Variants in CSMD3 observed in about 807,000 individuals in gnomAD.
The protein encoded by CSMD3 is CUB and sushi domain-containing protein 3.
In CSMD3, 177 loss-of-function variants were observed where a neutral mutation model predicts 435.2. The ratio of observed to expected loss-of-function variants is 0.41; its 90% CI spans 0.36 to 0.46. The LOEUF (loss-of-function observed/expected upper bound fraction) is 0.46, where lower values mean the gene tolerates loss of function less well. Among genes scored for constraint, CSMD3 ranks in the 20% least tolerant of loss-of-function variants. The pLI is 0.34. For synonymous variants in CSMD3, 1,656 were observed against 1,520.5 expected, an observed-to-expected ratio of 1.09 and a Z score of -2.07; for missense variants, 4,265 against 4,504.6, an observed-to-expected ratio of 0.95 and a Z score of 1.52.
At chr8:113,113,167 C>A (rs1317640154) in intron 4 of CSMD3, among the ~76,000 whole-genome samples, 1 of 152,184 alleles carries the variant, frequency 6.6e-6, no homozygotes, top group Non-Finnish European at 1.5e-5. Context: ...TTGAAGTCTG[C>A]AAGTTTCCTA....
chr8:112,314,635 C>A lies in CSMD3; in HGVS notation c.7361-18G>T. Reference sequence around the variant, plus strand: ...ACAGAGCACTGTCAAAGAAAAATGTCATTAAATAATGCCAGTCTTTTAGAG... The same window carrying A: ...ACAGAGCACTGTCAAAGAAAAATGTAATTAAATAATGCCAGTCTTTTAGAG... On this transcript the variant is annotated intron_variant, in intron 47 of 70. Coordinates refer to ENST00000297405, the MANE Select transcript of CSMD3 (RefSeq NM_198123.2). 1 of 1,583,998 alleles carries A rather than the reference C, an allele frequency of 6.3e-7. No homozygotes were observed. The highest frequency in any genetic ancestry group is 1.1e-5 in the South Asian group (1 of 90,332).
chr8:112,725,140 T>G (rs2076936644), intron 13 of CSMD3, among the ~76,000 whole-genome samples: 1 of 151,894 alleles, frequency 6.6e-6, no homozygotes, highest in South Asian at 2.1e-4. Flanking sequence ...GCAGGGAAAG[T>G]GGGGTCAAAA....
chr8:113,371,960 T>TA (rs1282283543), intron 1 of CSMD3, among the ~76,000 whole-genome samples: 2 of 152,046 alleles, frequency 1.3e-5, no homozygotes, highest in South Asian at 2.1e-4. Flanking sequence ...AAGTAGAATT[T>TA]AAAAAAAAGA....
intron 37 of CSMD3, among the ~76,000 whole-genome samples, chr8:112,382,935 G>C (rs1399042851): frequency 6.6e-6 from 1 of 152,166 alleles, no homozygotes; most frequent in Non-Finnish European, 1.5e-5. Flanking sequence ...AGGTTGCAGT[G>C]AGCTGAGATC....
intron 59 of CSMD3, among the ~76,000 whole-genome samples, chr8:112,271,808 A>G (rs1388999247): frequency 2.0e-5 from 3 of 152,230 alleles, no homozygotes; most frequent in Non-Finnish European, 4.4e-5. Flanking sequence ...AATTAGCATG[A>G]AAAGAATAAA....
intron 13 of CSMD3, among the ~76,000 whole-genome samples, chr8:112,770,641 T>C (rs914244925): frequency 7.9e-5 from 12 of 152,034 alleles, no homozygotes; most frequent in African/African-American, 1.9e-4. Context: ...ATTATGATTG[T>C]TACTCAATTA....
intron 4 of CSMD3, among the ~76,000 whole-genome samples, chr8:113,106,593 A>G (rs1269187998): frequency 6.6e-6 from 1 of 152,250 alleles, no homozygotes; most frequent in Non-Finnish European, 1.5e-5. Context: ...TGATGAAAAT[A>G]TAAAATCCAT....
At chr8:112,833,105 C>T (rs1564006686) in intron 11 of CSMD3, among the ~76,000 whole-genome samples, 2 of 152,050 alleles carry the variant, frequency 1.3e-5, no homozygotes, top group South Asian at 4.1e-4. Flanking sequence ...ATACTCCACA[C>T]ACTTAATACT....
At chr8:112,676,045 T>C (rs1472098641) in intron 16 of CSMD3, among the ~76,000 whole-genome samples, 2 of 152,046 alleles carry the variant, frequency 1.3e-5, no homozygotes, top group African/African-American at 2.4e-5. Flanking sequence ...ACTGAAATAA[T>C]AGAGTTGCTA....
intron 3 of CSMD3, among the ~76,000 whole-genome samples, chr8:113,262,927 T>C (rs1588398111): frequency 6.6e-6 from 1 of 152,034 alleles, no homozygotes; most frequent in Non-Finnish European, 1.5e-5. Flanking sequence ...GACTGTAAAC[T>C]TCTGTTGTAT....
chr8:112,512,609 T>C (rs1823252692), intron 28 of CSMD3, among the ~76,000 whole-genome samples: 2 of 152,152 alleles, frequency 1.3e-5, no homozygotes, highest in Non-Finnish European at 2.9e-5. Flanking sequence ...AGATCACAGG[T>C]ATAATTCTTA....
chr8:112,346,824 G>A (rs978193346), intron 40 of CSMD3, among the ~76,000 whole-genome samples: 1 of 151,558 alleles, frequency 6.6e-6, no homozygotes, highest in Non-Finnish European at 1.5e-5. Context: ...GACTACAGGC[G>A]CCTGCCACCA....
intron 13 of CSMD3, among the ~76,000 whole-genome samples, chr8:112,690,549 A>G (rs1435535069): frequency 6.8e-6 from 1 of 147,284 alleles, no homozygotes; most frequent in Admixed American, 6.9e-5. Flanking sequence ...TCTCTTCCAC[A>G]CTCTGGTACT....
At chr8:112,898,066 AATT>A (rs1165081744) in intron 10 of CSMD3, among the ~76,000 whole-genome samples, 1 of 151,170 alleles carries the variant, frequency 6.6e-6, no homozygotes. Flanking sequence ...CATAAGTATA[AATT>A]ATTATTTCCT....
chr8:112,635,229 G>A (rs1323295576), intron 22 of CSMD3, among the ~76,000 whole-genome samples: 2 of 151,964 alleles, frequency 1.3e-5, no homozygotes, highest in Admixed American at 1.3e-4. Context: ...CCAGGTGTCT[G>A]ATTTATATGA....
Position 112,346,102 on chromosome 8 carries a change from C to G in CSMD3, c.6437G>C (p.Gly2146Ala). The G allele has an allele frequency of 1.3e-6, 2 of 1,559,632 alleles. No homozygotes were observed. The highest frequency in any genetic ancestry group is 8.8e-7 in the Non-Finnish European group (1 of 1,130,366). Residue 2146 changes from glycine (G) to alanine (A), a missense_variant, in exon 41 of 71, where the codon GGT becomes GCT. By Grantham distance (60) the Gly-to-Ala change is moderately conservative (BLOSUM62 0). Transcript: ENST00000297405. ...DCTWTINLPIGFGVHLQFVNF... is the reference protein window; with the variant it reads ...DCTWTINLPIAFGVHLQFVNF... ...CGTGTTTTTAATACACATACCAAAA[C>G]CTATGGGTAGATTTATTGTCCATGT...
intron 38 of CSMD3, among the ~76,000 whole-genome samples, chr8:112,374,822 G>A (rs931622560): frequency 5.3e-5 from 8 of 152,130 alleles, no homozygotes; most frequent in African/African-American, 1.9e-4. Context: ...TTCACAGATT[G>A]CATAAATATC....
At chr8:113,207,949 C>T (rs17607120) in intron 3 of CSMD3, among the ~76,000 whole-genome samples, 102,639 of 152,046 alleles carry the variant, frequency 0.68, 36,582 homozygotes, top group East Asian at 0.96. Context: ...GTTTGGCATA[C>T]GGCCAATGAT....
At chr8:112,345,586 A>G (rs1249998727) in intron 41 of CSMD3, among the ~76,000 whole-genome samples, 1 of 152,122 alleles carries the variant, frequency 6.6e-6, no homozygotes, top group Non-Finnish European at 1.5e-5. Context: ...GTAAGAGAGA[A>G]GGATTAAGAA....
Sources: gnomAD v4.1 joint callset for allele counts (sites outside exome capture counted in the v4.1 genomes callset) on GRCh38, gnomAD v4.1.1 for gene constraint, MANE v1.5 for transcripts, NCBI Gene and HGNC (gene_info 2026-07-23, HGNC 2026-07-21) for gene names.